The following AGTPBP1 variants were observed in gnomAD, a reference collection of about 807,000 sequenced individuals.
The protein encoded by AGTPBP1 is cytosolic carboxypeptidase 1.
AGTPBP1 carries 70 observed loss-of-function variants against 143.9 expected under a neutral mutation model. That is an observed-to-expected ratio of 0.49 (90% confidence interval 0.40 to 0.59). The LOEUF is 0.59. AGTPBP1 is among the 20% of genes least tolerant of loss of function. The probability of loss-of-function intolerance (pLI) is 0.00; values close to 1 mark genes in which losing one functional copy is unlikely to be tolerated. For missense variants in AGTPBP1, 1,229 were observed against 1,464.5 expected (o/e 0.84, Z 2.62); for synonymous variants, 463 against 500.2 (o/e 0.93, Z 0.99).
the AGTPBP1 span, among the ~76,000 whole-genome samples, chr9:85,805,191 C>A: frequency 1.3e-5 from 2 of 152,154 alleles, no homozygotes; most frequent in Non-Finnish European, 2.9e-5. Flanking sequence ...ACGTCACCGG[C>A]GAACCTCTAA....
At chr9:85,779,236 G>A in the AGTPBP1 span, among the ~76,000 whole-genome samples, 51 of 84,954 alleles carry the variant, frequency 6.0e-4, no homozygotes, top group Admixed American at 5.3e-3. Flanking sequence ...TATAGATATA[G>A]ATATAGATAT....
chr9:85,590,046 CT>C (rs1415919472), intron 19 of AGTPBP1, among the ~76,000 whole-genome samples: 1 of 151,964 alleles, frequency 6.6e-6, no homozygotes, highest in Non-Finnish European at 1.5e-5. Context: ...TTTTCAAAGC[CT>C]TTTGAGTTTT....
At chr9:85,749,297 G>C in the AGTPBP1 span, among the ~76,000 whole-genome samples, 1 of 151,968 alleles carries the variant, frequency 6.6e-6, no homozygotes, top group East Asian at 1.9e-4. Flanking sequence ...ACCTTGCCAC[G>C]TAGGGCAATT....
chr9:85,559,952 A>T (rs1273638835), intron 25 of AGTPBP1, among the ~76,000 whole-genome samples: 1 of 152,118 alleles, frequency 6.6e-6, no homozygotes, highest in Non-Finnish European at 1.5e-5. Flanking sequence ...TTTTGCAATA[A>T]ATCTCCGTAT....
At chr9:85,627,797 G>C (rs1042925978) in intron 14 of AGTPBP1, among the ~76,000 whole-genome samples, 2 of 152,148 alleles carry the variant, frequency 1.3e-5, no homozygotes, top group Non-Finnish European at 2.9e-5. Context: ...TGTTCCTTAT[G>C]ATTTTCTTAA....
At chr9:85,748,997 C>CTTTTTTTT in the AGTPBP1 span, among the ~76,000 whole-genome samples, 2 of 95,466 alleles carry the variant, frequency 2.1e-5, no homozygotes, top group East Asian at 3.8e-4. Context: ...ATCTAGTGCA[C>CTTTTTTTT]TTTTTTTTTT....
At chr9:85,595,867 T>G (rs1170501019) in intron 18 of AGTPBP1, among the ~76,000 whole-genome samples, 2 of 152,182 alleles carry the variant, frequency 1.3e-5, no homozygotes, top group Non-Finnish European at 2.9e-5. Context: ...AGATCACATA[T>G]TTACAGTCAA....
At chr9:85,600,279 A>G (rs1829579076) in intron 17 of AGTPBP1, among the ~76,000 whole-genome samples, 2 of 152,262 alleles carry the variant, frequency 1.3e-5, no homozygotes, top group South Asian at 2.1e-4. Context: ...AGCCACTTCA[A>G]TCTGAAGTTT....
chr9:85,677,920 C>CT (rs1404550366), intron 5 of AGTPBP1, among the ~76,000 whole-genome samples: 1 of 152,170 alleles, frequency 6.6e-6, no homozygotes, highest in Non-Finnish European at 1.5e-5. Context: ...AGGAGAATCT[C>CT]TTGAACCTAG....
the AGTPBP1 span, among the ~76,000 whole-genome samples, chr9:85,767,450 C>T: frequency 5.5e-4 from 84 of 151,638 alleles, no homozygotes; most frequent in Admixed American, 1.6e-3. Context: ...CTGGTTCAAG[C>T]GATTTCCCTG....
At chr9:85,741,157 C>T (rs1824236055) in intron 1 of AGTPBP1, 1 of 931,686 alleles carries the variant, frequency 1.1e-6, no homozygotes, top group African/African-American at 1.8e-5. Context: ...TGATCTGATT[C>T]AGGTTCAAAC....
Position 85,655,185 on chromosome 9 carries a change from C to T in AGTPBP1, c.1045G>A (p.Val349Met), listed in dbSNP as rs148524001. 1.2e-6 allele frequency: 2 copies of T among 1,613,574 alleles called. No homozygotes were observed. The highest frequency in any genetic ancestry group is 1.3e-5 in the African/African-American group (1 of 74,996). Residue 349 changes from valine (V) to methionine (M), a missense_variant, in exon 11 of 26, where the codon GTG (valine) becomes ATG (methionine). Physicochemically the swap from Val to Met is conservative, Grantham distance 21 (BLOSUM62 1). This residue lies in a region of AGTPBP1 where 743 missense variants were observed against 812.2 expected (regional missense o/e 0.91). Transcript: ENST00000357081. ...TAGAGCTGAGCCACAGGACCAGTCA[C>T]AGGAATAACAGGCAACTGGAAATGA... The part of the protein sequence containing the change: ...SFHFQLPVIP[V>M]TGPVAQLYSL...
At chr9:85,721,831 G>T (rs1343144518) in intron 1 of AGTPBP1, among the ~76,000 whole-genome samples, 2 of 152,112 alleles carry the variant, frequency 1.3e-5, no homozygotes, top group Non-Finnish European at 2.9e-5. Context: ...TCCATGTTTA[G>T]TGCTTCCTTC....
chr9:85,733,826 C>T (rs1003341927), intron 1 of AGTPBP1, among the ~76,000 whole-genome samples: 1 of 152,006 alleles, frequency 6.6e-6, no homozygotes, highest in African/African-American at 2.4e-5. Context: ...CTGTGAACAA[C>T]AGTACACCAA....
intron 25 of AGTPBP1, among the ~76,000 whole-genome samples, chr9:85,552,670 C>A (rs1826102758): frequency 6.6e-6 from 1 of 152,298 alleles, no homozygotes; most frequent in Admixed American, 6.5e-5. Context: ...AATAATAAAA[C>A]CTACCTTGTT....
chr9:85,547,301 CA>C lies in AGTPBP1; in HGVS notation c.3504-16del. 1 of 1,600,910 alleles carries C rather than the reference CA, an allele frequency of 6.2e-7. No homozygotes were observed. Among genetic ancestry groups the C allele is most frequent in the Non-Finnish European group, 8.5e-7 (1 of 1,174,256 alleles). On this transcript the variant is annotated splice_polypyrimidine_tract_variant and intron_variant, in intron 25 of 25. Transcript: ENST00000357081. Reference sequence around the variant, plus strand: ...AAGTGGTAGGGCTGCAGCCAAAACACACAGAACATACAAGACTTTGTGAGGT... The same window carrying C: ...AAGTGGTAGGGCTGCAGCCAAAACACCAGAACATACAAGACTTTGTGAGGT...
intron 9 of AGTPBP1, among the ~76,000 whole-genome samples, chr9:85,660,721 T>C (rs995515721): frequency 6.6e-6 from 1 of 152,152 alleles, no homozygotes; most frequent in African/African-American, 2.4e-5. Flanking sequence ...CTAAATTATA[T>C]AAATGTACTA....
intron 3 of AGTPBP1, among the ~76,000 whole-genome samples, chr9:85,688,399 A>T (rs904668503): frequency 1.3e-5 from 2 of 152,100 alleles, no homozygotes; most frequent in African/African-American, 4.8e-5. Flanking sequence ...AATTACAGTA[A>T]GCCTCACTAA....
rs1386110170 is a variant in AGTPBP1 at position 85,681,268 on chromosome 9, C to T, written c.225G>A (p.Glu75=). Residue 75 remains glutamate, a splice_region_variant and synonymous_variant, in exon 4 of 26, where the codon GAG becomes GAA. Transcript: ENST00000357081. ...TAATTAAAGCGTGTCACTGATTTAC[C>T]TCTAATGTTGACAGCAGAATTTCCA... The part of the protein sequence containing the change: ...TGMEILLSTL[E]NTKDLQTTLN... The T allele has an allele frequency of 6.2e-7, 1 of 1,612,382 alleles. No homozygotes were observed. Among genetic ancestry groups the T allele is most frequent in the Admixed American group, 1.7e-5 (1 of 59,736 alleles).
Sources: gnomAD v4.1 joint callset for allele counts (sites outside exome capture counted in the v4.1 genomes callset) on GRCh38, gnomAD v4.1.1 for gene constraint, gnomAD v4.1.1 regional missense constraint, MANE v1.5 for transcripts, NCBI Gene and HGNC (gene_info 2026-07-23, HGNC 2026-07-21) for gene names.